Variants in RBFOX1 observed in about 807,000 individuals in gnomAD.
The protein encoded by RBFOX1 is RNA binding protein fox-1 homolog 1.
A neutral mutation model predicts 57.7 loss-of-function variants in RBFOX1; 8 were observed. That is an observed-to-expected ratio of 0.14 (90% CI 0.08 to 0.25). The LOEUF is 0.25. Ranked by LOEUF, RBFOX1 falls within the 10% of genes least tolerant of loss-of-function variation. The pLI is 1.00. For missense variants in RBFOX1, 611 were observed against 548.5 expected, an observed-to-expected ratio of 1.11 and a Z score of -1.14; for synonymous variants, 326 against 222.4, an observed-to-expected ratio of 1.47 and a Z score of -4.15.
intron 3 of RBFOX1, among the ~76,000 whole-genome samples, chr16:6,942,366 C>T (rs910796609): frequency 2.0e-5 from 3 of 152,100 alleles, no homozygotes; most frequent in East Asian, 1.9e-4. Context: ...CATTTTGTTG[C>T]CCAGGCTGAT....
At chr16:6,585,969 A>G (rs1057159019) in intron 2 of RBFOX1, among the ~76,000 whole-genome samples, 2 of 152,208 alleles carry the variant, frequency 1.3e-5, no homozygotes, top group Admixed American at 6.5e-5. Context: ...CAACAGTTTT[A>G]AACGTTCAAA....
At chr16:6,590,480 C>T (rs1469074988) in intron 2 of RBFOX1, among the ~76,000 whole-genome samples, 1 of 152,084 alleles carries the variant, frequency 6.6e-6, no homozygotes, top group Non-Finnish European at 1.5e-5. Context: ...ATTTGATGTA[C>T]CTGGTTCAGA....
chr16:7,155,644 A>G (rs1437769078), intron 4 of RBFOX1, among the ~76,000 whole-genome samples: 2 of 144,434 alleles, frequency 1.4e-5, no homozygotes, highest in Non-Finnish European at 3.0e-5. Flanking sequence ...TATTCCCAGG[A>G]ATTGGGCCAT....
At chr16:5,715,998 T>A (rs79051077) in intron 3 of RBFOX1, among the ~76,000 whole-genome samples, 12,394 of 152,172 alleles carry the variant, frequency 0.081, 795 homozygotes, top group East Asian at 0.33. Context: ...GCTCCCTATT[T>A]CAAAAAAACT....
chr16:6,254,022 G>A (rs371579665), intron 1 of RBFOX1, among the ~76,000 whole-genome samples: 23 of 152,242 alleles, frequency 1.5e-4, no homozygotes, highest in African/African-American at 5.1e-4. Context: ...TACACCAGGG[G>A]ACTTTAGCTC....
At position 7,034,193 on chromosome 16, in the gene RBFOX1, G is replaced by A. The variant is rs1289681519; in HGVS notation, c.-15-17864G>A. 2.6e-5 allele frequency among the ~76,000 whole-genome samples: 4 copies of A among 152,178 alleles called. No homozygotes were observed. In the East Asian group the frequency reaches 7.7e-4, roughly 29 times the overall value. On this transcript the variant is annotated intron_variant, in intron 3 of 15. Coordinates refer to ENST00000550418, the MANE Select transcript of RBFOX1 (RefSeq NM_018723.4). The stretch of plus-strand genomic sequence containing the variant: ...TAGCCTGGGTTTGACTCCTGGCTCT[G>A]GTTTTTCCTAACTTGGGGCACCTTG...
At chr16:5,874,602 G>A (rs748680436) in intron 4 of RBFOX1, among the ~76,000 whole-genome samples, 4 of 152,136 alleles carry the variant, frequency 2.6e-5, no homozygotes, top group Non-Finnish European at 5.9e-5. Context: ...GTTATGCCTG[G>A]CAACCTTCAC....
chr16:5,489,851 G>A (rs984297741), intron 2 of RBFOX1, among the ~76,000 whole-genome samples: 6 of 152,192 alleles, frequency 3.9e-5, no homozygotes, highest in African/African-American at 1.4e-4. Context: ...CTCCCAAGCT[G>A]TCTTTTTCCC....
chr16:7,331,834 A>C (rs1303113774), intron 4 of RBFOX1, among the ~76,000 whole-genome samples: 1 of 152,124 alleles, frequency 6.6e-6, no homozygotes, highest in African/African-American at 2.4e-5. Context: ...ATTAATTCCA[A>C]TTCATGTCAT....
intron 3 of RBFOX1, among the ~76,000 whole-genome samples, chr16:5,734,788 A>G (rs1357472660): frequency 3.9e-5 from 6 of 152,130 alleles, no homozygotes; most frequent in African/African-American, 9.7e-5. Context: ...CTTGGCTTGG[A>G]TGAGCTCAGT....
intron 3 of RBFOX1, among the ~76,000 whole-genome samples, chr16:6,796,674 GA>G: frequency 6.6e-6 from 1 of 152,192 alleles, no homozygotes; most frequent in African/African-American, 2.4e-5. Context: ...AATATGTACA[GA>G]TGTTACCAAT....
chr16:5,544,668 T>C lies in RBFOX1; in HGVS notation c.259-54234T>C, dbSNP rs190761648. On this transcript the variant is annotated intron_variant, in intron 2 of 2. Coordinates refer to the RBFOX1 transcript ENST00000585867. ...CCAGAATGATCAGGATAAAAAATGATATCAAATACTAAAGATATATCTTTG... is the reference window on the plus strand; with the variant it reads ...CCAGAATGATCAGGATAAAAAATGACATCAAATACTAAAGATATATCTTTG... Among the ~76,000 whole-genome samples, 20 of 152,266 alleles carry C rather than the reference T, an allele frequency of 1.3e-4. No individual in the cohort carries two copies. In the East Asian group the frequency reaches 3.9e-3, roughly 29 times the overall value.
intron 2 of RBFOX1, among the ~76,000 whole-genome samples, chr16:6,524,237 T>A (rs2096548270): frequency 6.6e-6 from 1 of 152,226 alleles, no homozygotes. Flanking sequence ...TTAGTGAGAA[T>A]ATGCACTGTG....
chr16:6,419,866 G>C (rs899518829), intron 2 of RBFOX1, among the ~76,000 whole-genome samples: 1 of 152,174 alleles, frequency 6.6e-6, no homozygotes, highest in Non-Finnish European at 1.5e-5. Context: ...GAAGGTGGAG[G>C]TCAGTTCAGC....
intron 3 of RBFOX1, among the ~76,000 whole-genome samples, chr16:6,701,404 A>G (rs527593229): frequency 2.0e-5 from 3 of 152,348 alleles, no homozygotes; most frequent in South Asian, 2.1e-4. Flanking sequence ...AGACATCTGC[A>G]TTAGTCTGTT....
At chr16:5,533,482 A>G (rs546711065) in intron 2 of RBFOX1, among the ~76,000 whole-genome samples, 4 of 152,128 alleles carry the variant, frequency 2.6e-5, no homozygotes, top group Admixed American at 1.3e-4. Flanking sequence ...TTTTTTTCTG[A>G]TGGTGGCATG....
chr16:5,273,725 A>G (rs142344252), intron 1 of RBFOX1, among the ~76,000 whole-genome samples: 9,497 of 152,152 alleles, frequency 0.062, 416 homozygotes, highest in Non-Finnish European at 0.096. Context: ...GGGTCAGTGG[A>G]ATGATGCTGT....
At chr16:5,710,161 T>A (rs866893362) in intron 3 of RBFOX1, among the ~76,000 whole-genome samples, 1 of 151,858 alleles carries the variant, frequency 6.6e-6, no homozygotes, top group Non-Finnish European at 1.5e-5. Context: ...CTCAGAGCCA[T>A]GTGAGTTTAG....
intron 5 of RBFOX1, among the ~76,000 whole-genome samples, chr16:7,551,491 G>A (rs1294599634): frequency 1.3e-5 from 2 of 152,222 alleles, no homozygotes; most frequent in Non-Finnish European, 2.9e-5. Context: ...AGAGACAGTA[G>A]TGATCCAGTC....
Sources: allele counts gnomAD v4.1 joint callset (sites outside exome capture counted in the v4.1 genomes callset), GRCh38; gene constraint gnomAD v4.1.1; transcripts MANE v1.5; gene names NCBI Gene and HGNC (gene_info 2026-07-23, HGNC 2026-07-21).